NRXN3: variants seen among roughly 807,000 people sequenced by gnomAD.
NRXN3 encodes neurexin III.
Under a neutral mutation model 137.6 loss-of-function variants are expected in NRXN3, and 32 were observed. The ratio of observed to expected loss-of-function variants is 0.23; its 90% CI spans 0.18 to 0.31. The LOEUF is 0.31. NRXN3 is among the 10% of genes least tolerant of loss of function. The pLI is 1.00. For synonymous variants in NRXN3, 798 were observed against 784.5 expected, an observed-to-expected ratio of 1.02 and a Z score of -0.29; for missense variants, 1,574 against 2,062.5, an observed-to-expected ratio of 0.76 and a Z score of 4.59.
intron 14 of NRXN3, among the ~76,000 whole-genome samples, chr14:78,980,538 C>T (rs1284474558): frequency 1.3e-5 from 2 of 152,022 alleles, no homozygotes; most frequent in Admixed American, 6.6e-5. Context: ...GTTTTCTAGG[C>T]CATGAAGAGG....
chr14:78,997,006 C>T (rs145671365), intron 15 of NRXN3, among the ~76,000 whole-genome samples: 1 of 152,064 alleles, frequency 6.6e-6, no homozygotes, highest in Admixed American at 6.6e-5. Flanking sequence ...CTTTTAAGTT[C>T]CATCAATATT....
chr14:78,307,506 T>C (rs974975762), intron 4 of NRXN3, among the ~76,000 whole-genome samples: 1 of 152,110 alleles, frequency 6.6e-6, no homozygotes, highest in African/African-American at 2.4e-5. Context: ...TGTGTGTAAA[T>C]AGAAGCAAAA....
At chr14:79,781,404 CAAGA>C (rs1472475535) in intron 19 of NRXN3, among the ~76,000 whole-genome samples, 2 of 152,136 alleles carry the variant, frequency 1.3e-5, no homozygotes, top group Non-Finnish European at 2.9e-5. Context: ...TGCAAGAAGT[CAAGA>C]AAGAAACATA....
chr14:79,191,604 T>C (rs2064322489), intron 15 of NRXN3, among the ~76,000 whole-genome samples: 1 of 152,156 alleles, frequency 6.6e-6, no homozygotes, highest in Non-Finnish European at 1.5e-5. Context: ...TGGGTAAATA[T>C]AAGACCTTTC....
intron 15 of NRXN3, among the ~76,000 whole-genome samples, chr14:79,097,265 T>A (rs1242509565): frequency 3.3e-5 from 5 of 152,094 alleles, no homozygotes; most frequent in Non-Finnish European, 7.4e-5. Context: ...AGAAGCAAAT[T>A]TATTCTCATA....
In NRXN3 at chr14:78,854,835, G is replaced by T. The variant is rs147632444; in HGVS notation, c.2275+44491G>T. Among the ~76,000 whole-genome samples, 884 of 152,248 alleles carry T rather than the reference G, an allele frequency of 5.8e-3. 4 individuals carry two copies. Among genetic ancestry groups the T allele is most frequent in the South Asian group, 0.017 (80 of 4,828 alleles). On this transcript the variant is annotated intron_variant, in intron 10 of 20. Coordinates refer to ENST00000335750, the MANE Select transcript of NRXN3 (RefSeq NM_001330195.2). Reference sequence around the variant, plus strand: ...ACCTGTAATCCCAGCAATTTGGGAGGCCAAGGTGGGTGGATCACGAGGTCA... The same window carrying T: ...ACCTGTAATCCCAGCAATTTGGGAGTCCAAGGTGGGTGGATCACGAGGTCA...
chr14:78,661,091 C>A (rs1048539777), intron 6 of NRXN3, among the ~76,000 whole-genome samples: 3 of 152,030 alleles, frequency 2.0e-5, no homozygotes, highest in Non-Finnish European at 4.4e-5. Flanking sequence ...AAAGACTAGA[C>A]AATTGAAAAA....
chr14:79,820,475 T>C (rs1442138421), intron 20 of NRXN3, among the ~76,000 whole-genome samples: 3 of 152,192 alleles, frequency 2.0e-5, no homozygotes, highest in South Asian at 4.1e-4. Flanking sequence ...CCAGATTTAG[T>C]ACTACTGCAA....
intron 10 of NRXN3, among the ~76,000 whole-genome samples, chr14:78,856,095 G>A (rs1470945297): frequency 6.6e-6 from 1 of 152,124 alleles, no homozygotes. Flanking sequence ...CTCATCCACT[G>A]CTTATGACTG....
chr14:79,435,893 C>G (rs544101419), intron 15 of NRXN3, among the ~76,000 whole-genome samples: 1 of 152,032 alleles, frequency 6.6e-6, no homozygotes, highest in Admixed American at 6.6e-5. Context: ...CTCGGCCTCC[C>G]AAAGTGCTAG....
At chr14:78,547,577 A>C (rs1279027561) in intron 4 of NRXN3, among the ~76,000 whole-genome samples, 1 of 152,052 alleles carries the variant, frequency 6.6e-6, no homozygotes, top group Non-Finnish European at 1.5e-5. Flanking sequence ...GACAATTGCC[A>C]TGTTCATACT....
intron 15 of NRXN3, among the ~76,000 whole-genome samples, chr14:79,013,595 A>G (rs1018010163): frequency 6.6e-6 from 1 of 152,184 alleles, no homozygotes; most frequent in African/African-American, 2.4e-5. Flanking sequence ...ATGAAATGCT[A>G]AGTCAGGGTC....
rs544970194 is a variant in NRXN3 at position 78,843,002 on chromosome 14, T to C, written c.2275+32658T>C. ...CAAACAATTTGTGCAGTTAGTGCAA[T>C]CATCACAGGGTCCTGAGGCGACATA... On this transcript the variant is annotated intron_variant, in intron 10 of 20. Coordinates refer to ENST00000335750, the MANE Select transcript of NRXN3 (RefSeq NM_001330195.2). Among the ~76,000 whole-genome samples, 248 of 152,262 alleles carry C rather than the reference T, an allele frequency of 1.6e-3. 1 individual carries two copies. Among genetic ancestry groups the C allele is most frequent in the African/African-American group, 5.4e-3 (223 of 41,576 alleles).
intron 4 of NRXN3, among the ~76,000 whole-genome samples, chr14:78,609,558 G>A (rs933209288): frequency 1.3e-5 from 2 of 152,166 alleles, no homozygotes; most frequent in Admixed American, 6.5e-5. Flanking sequence ...AGCTCTGAAA[G>A]ATGTGAGTGG....
chr14:79,107,482 G>A (rs2052664646), intron 15 of NRXN3, among the ~76,000 whole-genome samples: 1 of 152,156 alleles, frequency 6.6e-6, no homozygotes, highest in Admixed American at 6.6e-5. Flanking sequence ...GGAAACATTG[G>A]TGGGTTTTAA....
At chr14:78,454,088 A>G (rs1176318008) in intron 4 of NRXN3, among the ~76,000 whole-genome samples, 1 of 152,226 alleles carries the variant, frequency 6.6e-6, no homozygotes, top group African/African-American at 2.4e-5. Context: ...AGTAAATATT[A>G]GATGAGAGTC....
At chr14:79,149,053 G>A (rs1385618393) in intron 15 of NRXN3, among the ~76,000 whole-genome samples, 3 of 152,104 alleles carry the variant, frequency 2.0e-5, no homozygotes, top group Non-Finnish European at 4.4e-5. Context: ...GCATAAGAGG[G>A]TGAAAACCTC....
intron 15 of NRXN3, among the ~76,000 whole-genome samples, chr14:79,194,334 C>T (rs913071337): frequency 9.9e-5 from 15 of 152,150 alleles, no homozygotes; most frequent in South Asian, 2.1e-4. Flanking sequence ...GAACTAAGAA[C>T]GGTCTAGCTT....
chr14:79,159,908 G>A (rs551942170), intron 15 of NRXN3, among the ~76,000 whole-genome samples: 4 of 151,736 alleles, frequency 2.6e-5, no homozygotes, highest in Admixed American at 6.6e-5. Context: ...CGTTTTCCAC[G>A]AACTTTTGGA....
Sources: gnomAD v4.1 joint callset for allele counts (sites outside exome capture counted in the v4.1 genomes callset) on GRCh38, gnomAD v4.1.1 for gene constraint, MANE v1.5 for transcripts, NCBI Gene and HGNC (gene_info 2026-07-23, HGNC 2026-07-21) for gene names.